Variants in EPB41L3 observed in about 807,000 individuals in gnomAD.
EPB41L3 encodes erythrocyte membrane protein band 4.1 like 3.
Under a neutral mutation model 127.1 loss-of-function variants are expected in EPB41L3, and 57 were observed. That is an observed-to-expected ratio of 0.45 (90% CI 0.36 to 0.56). The LOEUF (loss-of-function observed/expected upper bound fraction) is 0.56, where lower values mean the gene tolerates loss of function less well. EPB41L3 is among the 20% of genes least tolerant of loss of function. The pLI, the probability that EPB41L3 is intolerant of heterozygous loss-of-function variation, is 0.00. For synonymous variants in EPB41L3, 572 were observed against 549.5 expected, an observed-to-expected ratio of 1.04 and a Z score of -0.57; for missense variants, 1,273 against 1,372.2, an observed-to-expected ratio of 0.93 and a Z score of 1.14.
At chr18:5,467,275 T>A (rs957277180) in intron 3 of EPB41L3, 1 of 152,226 alleles carries the variant, frequency 6.6e-6, no homozygotes, top group Admixed American at 6.5e-5. Flanking sequence ...ATTCTTTACA[T>A]AGTAGCTTAT....
At chr18:5,445,026 G>T in intron 4 of EPB41L3, 114 bp downstream of exon 4, 2 of 723,716 alleles carry the variant, frequency 2.8e-6, no homozygotes, top group Non-Finnish European at 4.8e-6. Flanking sequence ...AGTAGAAAGT[G>T]TGGGAGAATG....
At chr18:5,577,508 T>A in intron 3 of EPB41L3, 1 of 323,326 alleles carries the variant, frequency 3.1e-6, no homozygotes, top group Admixed American at 4.7e-5. Context: ...TTCTATCACA[T>A]CCAGATTCTC....
intron 5 of EPB41L3, among the ~76,000 whole-genome samples, chr18:5,442,605 A>G (rs906440402): frequency 7.2e-5 from 11 of 152,190 alleles, no homozygotes; most frequent in African/African-American, 2.7e-4. Context: ...AGTTTTACTT[A>G]TTGAAATGGG....
intron 1 of EPB41L3, among the ~76,000 whole-genome samples, chr18:5,538,055 A>G (rs2093621124): frequency 6.6e-6 from 1 of 152,250 alleles, no homozygotes; most frequent in African/African-American, 2.4e-5. Flanking sequence ...CACTCTGCCA[A>G]TTAAGCTATG....
At chr18:5,550,305 A>G (rs1182575274) in intron 3 of EPB41L3, among the ~76,000 whole-genome samples, 1 of 152,208 alleles carries the variant, frequency 6.6e-6, no homozygotes, top group East Asian at 1.9e-4. Flanking sequence ...CAAATTAAAT[A>G]AGGAAACTGA....
intron 1 of EPB41L3, 150 bp from the exon 2 acceptor site, chr18:5,489,344 G>T: frequency 1.2e-6 from 1 of 855,904 alleles, no homozygotes; most frequent in African/African-American, 1.8e-5. Flanking sequence ...CTGGACAGAT[G>T]ACTTGTCAAC....
chr18:5,608,211 G>A (rs1031311923), intron 3 of EPB41L3, among the ~76,000 whole-genome samples: 5 of 152,114 alleles, frequency 3.3e-5, no homozygotes, highest in South Asian at 2.1e-4. Flanking sequence ...ATGATGCTGC[G>A]ACTCTGTGCA....
chr18:5,540,900 C>T (rs528502025), intron 1 of EPB41L3, among the ~76,000 whole-genome samples: 4 of 151,930 alleles, frequency 2.6e-5, no homozygotes, highest in African/African-American at 7.3e-5. Flanking sequence ...CTGGCTAACA[C>T]AGTGAAACCC....
intron 3 of EPB41L3, among the ~76,000 whole-genome samples, chr18:5,574,532 G>A (rs1005927566): frequency 5.9e-5 from 9 of 151,612 alleles, no homozygotes; most frequent in East Asian, 3.9e-4. Context: ...CTCAGAGTCC[G>A]TATATCCAGA....
intron 2 of EPB41L3, among the ~76,000 whole-genome samples, chr18:5,483,340 T>A (rs534244917): frequency 1.3e-5 from 2 of 152,220 alleles, no homozygotes; most frequent in East Asian, 3.9e-4. Flanking sequence ...CAAAAACCTA[T>A]AATAGATCCA....
intron 3 of EPB41L3, among the ~76,000 whole-genome samples, chr18:5,598,492 A>C (rs868022695): frequency 6.6e-6 from 1 of 152,330 alleles, no homozygotes; most frequent in Middle Eastern, 3.4e-3. Flanking sequence ...ATTTTAAAAT[A>C]TTATTAGTTT....
chr18:5,546,724 G>C (rs191337089), upstream of EPB41L3, among the ~76,000 whole-genome samples: 1 of 152,226 alleles, frequency 6.6e-6, no homozygotes, highest in East Asian at 1.9e-4. Context: ...GGGAGAAAAA[G>C]AAACGTCAAA....
At chr18:5,630,386 C>G (rs1310171878), upstream of EPB41L3, 2 of 518,694 alleles carry the variant, frequency 3.9e-6, no homozygotes, top group South Asian at 1.4e-5. Flanking sequence ...CCTGAGTCAC[C>G]GAAGCCTTCC....
intron 3 of EPB41L3, among the ~76,000 whole-genome samples, chr18:5,591,919 C>T (rs921111838): frequency 1.3e-5 from 2 of 152,192 alleles, no homozygotes; most frequent in African/African-American, 4.8e-5. Context: ...CAAGCAACTG[C>T]TGGGTCAACT....
chr18:5,490,601 C>T (rs552257712), intron 1 of EPB41L3, among the ~76,000 whole-genome samples: 4 of 152,106 alleles, frequency 2.6e-5, no homozygotes, highest in Admixed American at 1.3e-4. Flanking sequence ...ATATAAATAT[C>T]GAGTCTGAAT....
chr18:5,398,503 TGA>T (rs2073965354), intron 16 of EPB41L3: 3 of 401,688 alleles, frequency 7.5e-6, no homozygotes, highest in Non-Finnish European at 1.3e-5. Context: ...GATTTAACCA[TGA>T]AAAAAAATTA....
intron 3 of EPB41L3, among the ~76,000 whole-genome samples, chr18:5,450,267 G>A (rs947579700): frequency 7.9e-5 from 12 of 152,082 alleles, no homozygotes; most frequent in African/African-American, 2.7e-4. Flanking sequence ...AATGGTGAAC[G>A]CATGACATTA....
At chr18:5,406,413 T>C (rs546060771) in intron 16 of EPB41L3, among the ~76,000 whole-genome samples, 1 of 152,132 alleles carries the variant, frequency 6.6e-6, no homozygotes, top group South Asian at 2.1e-4. Context: ...AGTCAAACAA[T>C]CTCAATGGGC....
intron 3 of EPB41L3, among the ~76,000 whole-genome samples, chr18:5,470,397 A>G (rs959080599): frequency 1.3e-5 from 2 of 152,222 alleles, no homozygotes; most frequent in South Asian, 2.1e-4. Flanking sequence ...GCTCTTTGGT[A>G]TCTTTTGTAC....
Sources: allele counts gnomAD v4.1 joint callset (sites outside exome capture counted in the v4.1 genomes callset), GRCh38; gene constraint gnomAD v4.1.1; transcripts MANE v1.5; gene names NCBI Gene and HGNC (gene_info 2026-07-23, HGNC 2026-07-21).